The following DMD variants were observed in gnomAD, a reference collection of about 807,000 sequenced individuals.
DMD encodes the protein mutant dystrophin.
DMD carries 63 observed loss-of-function variants against 330.1 expected under a neutral mutation model. That is an observed-to-expected ratio of 0.19 (90% CI 0.16 to 0.24). DMD has a LOEUF of 0.24. Among genes scored for constraint, DMD ranks in the 10% least tolerant of loss-of-function variants. The probability of loss-of-function intolerance (pLI) is 1.00; values close to 1 mark genes in which losing one functional copy is unlikely to be tolerated. For synonymous variants in DMD, 1,223 were observed against 959.8 expected, an observed-to-expected ratio of 1.27 and a Z score of -5.07; for missense variants, 3,344 against 2,684.1, an observed-to-expected ratio of 1.25 and a Z score of -5.43.
At chrX:31,371,232 A>G (rs2059550875) in intron 60 of DMD, among the ~76,000 whole-genome samples, 1 of 111,329 alleles carries the variant, frequency 9.0e-6, no homozygotes, top group African/African-American at 3.3e-5. Flanking sequence ...TGAATCTACA[A>G]TTAAAAATGC....
chrX:33,105,125 A>G (rs1603287798), intron 1 of DMD, among the ~76,000 whole-genome samples: 1 of 112,210 alleles, frequency 8.9e-6, no homozygotes, highest in East Asian at 2.8e-4. Flanking sequence ...GTGAAGCCAA[A>G]TACTTAAAAC....
chrX:32,698,584 A>G (rs1204670813), intron 8 of DMD, among the ~76,000 whole-genome samples: 1 of 112,158 alleles, frequency 8.9e-6, no homozygotes, highest in Non-Finnish European at 1.9e-5. Context: ...TAAATTCTAT[A>G]CAATTATGTA....
intron 43 of DMD, among the ~76,000 whole-genome samples, chrX:32,265,521 G>C (rs1168740872): frequency 1.8e-5 from 2 of 112,048 alleles, no homozygotes; most frequent in Non-Finnish European, 3.8e-5. Context: ...CTGCCTAGTA[G>C]AGCTGTGAGA....
At chrX:32,761,006 T>A (rs1319323125) in intron 7 of DMD, among the ~76,000 whole-genome samples, 1 of 107,113 alleles carries the variant, frequency 9.3e-6, no homozygotes, top group East Asian at 2.8e-4. Flanking sequence ...ATAGCCCAAA[T>A]GTACTCTCCG....
chrX:31,909,911 A>G (rs1045826535), intron 47 of DMD, among the ~76,000 whole-genome samples: 1 of 112,231 alleles, frequency 8.9e-6, no homozygotes, highest in African/African-American at 3.2e-5. Flanking sequence ...TTTTCTTTCT[A>G]TTTTTTGAAC....
intron 60 of DMD, among the ~76,000 whole-genome samples, chrX:31,425,015 T>G (rs2063621298): frequency 8.9e-6 from 1 of 112,260 alleles, no homozygotes; most frequent in African/African-American, 3.2e-5. Context: ...CCACTATATA[T>G]AGTTTTCTCT....
chrX:31,196,623 G>C (rs2042909506), intron 67 of DMD, among the ~76,000 whole-genome samples: 1 of 108,998 alleles, frequency 9.2e-6, no homozygotes, highest in South Asian at 4.0e-4. Context: ...AAGAGATTGA[G>C]ACCATCCTGG....
chrX:32,522,132 CCT>C (rs1423343692), intron 17 of DMD, among the ~76,000 whole-genome samples: 1 of 111,484 alleles, frequency 9.0e-6, no homozygotes, highest in Non-Finnish European at 1.9e-5. Context: ...CAACTAAAAC[CCT>C]CTCTCTTCCT....
At chrX:31,252,427 T>A (rs1326264800) in intron 63 of DMD, among the ~76,000 whole-genome samples, 1 of 112,119 alleles carries the variant, frequency 8.9e-6, no homozygotes, top group Non-Finnish European at 1.9e-5. Flanking sequence ...TGGTTCCTTA[T>A]CTTCTACCAT....
chrX:32,295,836 C>A (rs774694254), intron 42 of DMD, among the ~76,000 whole-genome samples: 2 of 111,672 alleles, frequency 1.8e-5, no homozygotes, highest in East Asian at 5.7e-4. Flanking sequence ...ACAACTACTC[C>A]CTTGCTGTCA....
At chrX:31,831,668 A>T (rs759474029) in intron 49 of DMD, among the ~76,000 whole-genome samples, 4 of 111,160 alleles carry the variant, frequency 3.6e-5, no homozygotes, top group Non-Finnish European at 5.7e-5. Flanking sequence ...GCGTGATCTC[A>T]GCTCACTGCA....
intron 7 of DMD, among the ~76,000 whole-genome samples, chrX:32,783,528 C>G (rs1466537648): frequency 9.1e-6 from 1 of 109,795 alleles, no homozygotes; most frequent in Non-Finnish European, 1.9e-5. Flanking sequence ...ATGCTTATTA[C>G]CTGGGTGACA....
chrX:32,353,105 T>C (rs1207853989), intron 37 of DMD, among the ~76,000 whole-genome samples: 2 of 111,122 alleles, frequency 1.8e-5, no homozygotes, highest in East Asian at 5.6e-4. Context: ...ATCAAACCAA[T>C]TGTTTTAGCT....
At chrX:33,278,445 T>C (rs1005571439) in intron 1 of DMD, among the ~76,000 whole-genome samples, 1 of 111,868 alleles carries the variant, frequency 8.9e-6, no homozygotes, top group African/African-American at 3.3e-5. Context: ...TGGTTTTCTG[T>C]TTCTGTGTTA....
chrX:33,143,518 A>G (rs959629307), intron 1 of DMD, among the ~76,000 whole-genome samples: 1 of 111,584 alleles, frequency 9.0e-6, no homozygotes, highest in Non-Finnish European at 1.9e-5. Flanking sequence ...TCCTGTAGTT[A>G]CAGAATAATA....
At chrX:33,276,179 A>C (rs771676131) in intron 1 of DMD, among the ~76,000 whole-genome samples, 7 of 111,809 alleles carry the variant, frequency 6.3e-5, no homozygotes, top group African/African-American at 1.9e-4. Flanking sequence ...AGTTTCTTTC[A>C]AGTTTTCTCT....
chrX:32,671,096 C>T (rs1036204310), intron 9 of DMD, among the ~76,000 whole-genome samples: 2 of 110,595 alleles, frequency 1.8e-5, no homozygotes, highest in Admixed American at 9.7e-5. Flanking sequence ...ACAAGTGGGT[C>T]GGTACAAATT....
chrX:33,134,483 C>T (rs1233306952), intron 1 of DMD, among the ~76,000 whole-genome samples: 2 of 112,063 alleles, frequency 1.8e-5, no homozygotes, highest in African/African-American at 3.2e-5. Context: ...CTGCTTAACA[C>T]TTGGCCCTGA....
At chrX:32,455,192 T>C (rs2098351778) in intron 25 of DMD, among the ~76,000 whole-genome samples, 1 of 111,658 alleles carries the variant, frequency 9.0e-6, no homozygotes, top group East Asian at 2.8e-4. Flanking sequence ...ATAGTTATTC[T>C]TTGTGTTCTT....
Sources: allele counts gnomAD v4.1 joint callset (sites outside exome capture counted in the v4.1 genomes callset), GRCh38; gene constraint gnomAD v4.1.1; transcripts MANE v1.5; gene names NCBI Gene and HGNC (gene_info 2026-07-23, HGNC 2026-07-21).